The following ZBED1 variants were observed in gnomAD, a reference collection of about 807,000 sequenced individuals.
ZBED1 encodes the protein E3 SUMO-protein ligase ZBED1.
A neutral mutation model predicts 49.7 loss-of-function variants in ZBED1; 19 were observed. The observed-to-expected ratio is 0.38, with a 90% confidence interval of 0.27 to 0.56. The LOEUF is 0.56. Ranked by LOEUF, ZBED1 falls within the 20% of genes least tolerant of loss-of-function variation. ZBED1 has a pLI of 0.70. For synonymous variants in ZBED1, 439 were observed against 440.3 expected, an observed-to-expected ratio of 1.00 and a Z score of 0.04; for missense variants, 806 against 972.6, an observed-to-expected ratio of 0.83 and a Z score of 2.28.
intron 1 of ZBED1, among the ~76,000 whole-genome samples, chrX:2,497,290 G>A (rs2045309107): frequency 6.6e-6 from 1 of 152,190 alleles, no homozygotes. Flanking sequence ...CTACTCGGGA[G>A]GCTGAGGCAG....
intron 1 of ZBED1, among the ~76,000 whole-genome samples, chrX:2,492,039 C>T (rs2045162791): frequency 6.6e-6 from 1 of 152,162 alleles, no homozygotes; most frequent in Admixed American, 6.5e-5. Flanking sequence ...TATCAAAATG[C>T]ACCACCCAGG....
chrX:2,492,798 CTT>C (rs1208578271), intron 1 of ZBED1, among the ~76,000 whole-genome samples: 1 of 152,224 alleles, frequency 6.6e-6, no homozygotes, highest in Admixed American at 6.5e-5. Context: ...CCCTGAGACA[CTT>C]TGATTACAGA....
At position 2,496,558 on chromosome X, in the gene ZBED1, C is replaced by T. The variant is rs371855988; in HGVS notation, c.-54+4259G>A. 7.2e-5 allele frequency among the ~76,000 whole-genome samples: 11 copies of T among 152,062 alleles called. No individual in the cohort carries two copies. In the East Asian group the frequency reaches 1.5e-3, roughly 21 times the overall value. ...GTATACTGCTTGGGTGATGGGTGCA[C>T]CAGAATCTCACAAATCACCACTAAA... On this transcript the variant is annotated intron_variant, in intron 1 of 1. Transcript: ENST00000652001.
intron 1 of ZBED1, among the ~76,000 whole-genome samples, chrX:2,493,655 T>C (rs1209549632): frequency 1.3e-5 from 2 of 151,882 alleles, no homozygotes; most frequent in Non-Finnish European, 2.9e-5. Flanking sequence ...CTGAAAAAGG[T>C]CTCAGTACCT....
At chrX:2,491,066 G>GTTTTTTTTTT (rs900738620) in intron 1 of ZBED1, among the ~76,000 whole-genome samples, 1 of 110,246 alleles carries the variant, frequency 9.1e-6, no homozygotes. Flanking sequence ...AGTGCCTTTA[G>GTTTTTTTTTT]TTTTTTTTTT....
In ZBED1 at chrX:2,493,726, T is replaced by C. The variant is rs1314610829; in HGVS notation, c.-53-2954A>G. Among the ~76,000 whole-genome samples the C allele has an allele frequency of 2.0e-5, 3 of 152,252 alleles. No individual in the cohort carries two copies. The South Asian group carries it at 6.2e-4, about 32-fold the overall frequency. On this transcript the variant is annotated intron_variant, in intron 1 of 1. Transcript: ENST00000652001. ...GGCTCACGCCTGTACTCTCAGCACT[T>C]TGGGAGGCCAAGGTGGGTGGATCAT...
chrX:2,496,694 G>A (rs1027693071), intron 1 of ZBED1, among the ~76,000 whole-genome samples: 31 of 151,920 alleles, frequency 2.0e-4, no homozygotes, highest in Non-Finnish European at 1.2e-4. Flanking sequence ...GAAAAATAGC[G>A]GGTGATAGAT....
chrX:2,500,113 G>C (rs2045379110), intron 1 of ZBED1, among the ~76,000 whole-genome samples: 1 of 152,216 alleles, frequency 6.6e-6, no homozygotes, highest in Admixed American at 6.5e-5. Flanking sequence ...GGTCATCACT[G>C]ATGAGTTCAG....
intron 1 of ZBED1, among the ~76,000 whole-genome samples, chrX:2,493,235 C>T (rs888551104): frequency 3.9e-5 from 6 of 152,166 alleles, no homozygotes; most frequent in Non-Finnish European, 8.8e-5. Flanking sequence ...CTGGATTACA[C>T]AGTCAACGGA....
intron 1 of ZBED1, among the ~76,000 whole-genome samples, chrX:2,497,263 C>G (rs2045308549): frequency 6.6e-6 from 1 of 152,122 alleles, no homozygotes; most frequent in Admixed American, 6.5e-5. Flanking sequence ...CATGGTGGCA[C>G]ATGCCTGTAA....
At chrX:2,490,838 GAGAC>G (rs1415445553) in intron 1 of ZBED1, 66 bp from the exon 2 acceptor site, 1 of 1,405,972 alleles carries the variant, frequency 7.1e-7, no homozygotes, top group Non-Finnish European at 9.7e-7. Flanking sequence ...CCCTGCCGGG[GAGAC>G]AGACAGGGTG....
intron 1 of ZBED1, among the ~76,000 whole-genome samples, chrX:2,491,512 C>A (rs932120441): frequency 6.6e-6 from 1 of 152,268 alleles, no homozygotes; most frequent in South Asian, 2.1e-4. Context: ...GCAGACCCCC[C>A]ACTGCCAACC....
At position 2,489,022 on chromosome X, in the gene ZBED1, G is replaced by A; in HGVS notation, c.1698C>T (p.Ala566=). 1.2e-6 allele frequency: 2 copies of A among 1,612,846 alleles called. No individual in the cohort carries two copies. Among genetic ancestry groups the A allele is most frequent in the African/African-American group, 2.7e-5 (2 of 75,014 alleles). Residue 566 remains alanine (A), a synonymous_variant, in exon 2 of 2, where the codon GCC becomes GCT. Transcript: ENST00000652001. ...GGVEDQEEWH[A]QVVEELSNFK... is the part of the protein sequence containing the mutation. ...AGTTGCTCAGCTCCTCCACCACCTG[G>A]GCATGCCACTCTTCCTGGTCCTCCA...
chrX:2,498,078 G>C (rs1441699864), intron 1 of ZBED1, among the ~76,000 whole-genome samples: 1 of 152,144 alleles, frequency 6.6e-6, no homozygotes, highest in African/African-American at 2.4e-5. Flanking sequence ...TAATTATCTT[G>C]TTTTTCCATG....
intron 1 of ZBED1, among the ~76,000 whole-genome samples, chrX:2,496,180 ATTTTTG>A (rs1453168406): frequency 6.6e-6 from 1 of 151,684 alleles, no homozygotes; most frequent in Admixed American, 6.6e-5. Flanking sequence ...AGAGGTTTTT[ATTTTTG>A]TTTTTGTTTT....
chrX:2,495,650 C>T (rs749127760), intron 1 of ZBED1, among the ~76,000 whole-genome samples: 100 of 152,334 alleles, frequency 6.6e-4, no homozygotes, highest in African/African-American at 2.4e-3. Context: ...AGTGAGTACC[C>T]TCCTTCCTCC....
chrX:2,499,843 G>T (rs1408923281), intron 1 of ZBED1, among the ~76,000 whole-genome samples: 1 of 151,910 alleles, frequency 6.6e-6, no homozygotes. Flanking sequence ...CCAGGAGTTC[G>T]AGACCAGCCT....
Position 2,489,681 on chromosome X carries a change from C to G in ZBED1, c.1039G>C (p.Val347Leu), listed in dbSNP as rs990528676. The G allele has an allele frequency of 1.2e-6, 2 of 1,612,512 alleles. No homozygotes were observed. Among genetic ancestry groups the G allele is most frequent in the Non-Finnish European group, 1.7e-6 (2 of 1,179,778 alleles). ...CCCCACCAGGAGACGCGGTTGCTCACCAGCATGCAGTGGGCCACGTTCTGC... is the reference window on the plus strand; with the variant it reads ...CCCCACCAGGAGACGCGGTTGCTCAGCAGCATGCAGTGGGCCACGTTCTGC... ...KQQNVAHCML[V>L]SNRVSWWGST... The change falls in exon 2 of 2, where the codon GTG becomes CTG. Residue 347 changes from valine (V) to leucine (L), a missense_variant. Val to Leu is a conservative substitution (Grantham distance 32). This residue lies in a region of ZBED1 where 749 missense variants were observed against 861.3 expected (regional missense o/e 0.87). Transcript: ENST00000652001.
intron 1 of ZBED1, among the ~76,000 whole-genome samples, chrX:2,494,306 C>T (rs766435463): frequency 6.6e-6 from 1 of 151,866 alleles, no homozygotes; most frequent in East Asian, 1.9e-4. Flanking sequence ...GGTCTCGACA[C>T]CTGGAACAAA....
Sources: gnomAD v4.1 joint callset for allele counts (sites outside exome capture counted in the v4.1 genomes callset) on GRCh38, gnomAD v4.1.1 for gene constraint, gnomAD v4.1.1 regional missense constraint, MANE v1.5 for transcripts, NCBI Gene and HGNC (gene_info 2026-07-23, HGNC 2026-07-21) for gene names.